Variants in FYN observed in about 807,000 individuals in gnomAD.
FYN encodes the protein FYN proto-oncogene, Src family tyrosine kinase.
In FYN, 10 loss-of-function variants were observed where a neutral mutation model predicts 70.2. That is an observed-to-expected ratio of 0.14 (90% confidence interval 0.09 to 0.24). FYN has a LOEUF of 0.24. Among genes scored for constraint, FYN ranks in the 10% least tolerant of loss-of-function variants. The pLI is 1.00. For missense variants in FYN, 319 were observed against 673.1 expected (o/e 0.47, Z 5.82); for synonymous variants, 236 against 248.6 (o/e 0.95, Z 0.48).
intron 6 of FYN, among the ~76,000 whole-genome samples, chr6:111,705,269 A>G (rs114786207): frequency 6.6e-6 from 1 of 152,094 alleles, no homozygotes; most frequent in Non-Finnish European, 1.5e-5. Context: ...AAAAACGCCC[A>G]TGAGTACTTA....
chr6:111,699,627 C>G, intron 9 of FYN: 1 of 1,614,000 alleles, frequency 6.2e-7, no homozygotes. Flanking sequence ...GGGTACAACT[C>G]GATGCAATCA....
chr6:111,704,582 C>A (rs1233623548), intron 6 of FYN, among the ~76,000 whole-genome samples: 1 of 151,526 alleles, frequency 6.6e-6, no homozygotes, highest in East Asian at 1.9e-4. Flanking sequence ...GGTGAAACCC[C>A]AGCTCTACTA....
intron 2 of FYN, among the ~76,000 whole-genome samples, chr6:111,845,808 C>T (rs530177849): frequency 9.9e-5 from 15 of 152,190 alleles, no homozygotes; most frequent in African/African-American, 3.4e-4. Flanking sequence ...AGAGCTGCGA[C>T]GTCCAGCCTT....
chr6:111,722,951 G>A (rs539156304), intron 3 of FYN, among the ~76,000 whole-genome samples: 4 of 152,296 alleles, frequency 2.6e-5, no homozygotes, highest in Non-Finnish European at 1.5e-5. Context: ...TTCTTCAGGC[G>A]AACAGGCATG....
chr6:111,663,915 GCGGA>G (rs1032868810), intron 13 of FYN, among the ~76,000 whole-genome samples: 97 of 152,256 alleles, frequency 6.4e-4, no homozygotes, highest in African/African-American at 2.2e-3. Flanking sequence ...CTAGATAAAC[GCGGA>G]CAGAGGCCAG....
At chr6:111,707,871 G>A (rs1191503663) in intron 6 of FYN, 51 bp downstream of exon 6, 3 of 1,385,180 alleles carry the variant, frequency 2.2e-6, no homozygotes, top group South Asian at 1.2e-5. Flanking sequence ...TTTTATTGCG[G>A]CAATCAACTT....
chr6:111,826,870 C>T (rs536723101), intron 2 of FYN, among the ~76,000 whole-genome samples: 2 of 152,180 alleles, frequency 1.3e-5, no homozygotes, highest in Non-Finnish European at 2.9e-5. Flanking sequence ...TAGAAGCTGA[C>T]TTTTTGTTCT....
chr6:111,678,040 C>T (rs1798610527), intron 12 of FYN, among the ~76,000 whole-genome samples: 1 of 151,476 alleles, frequency 6.6e-6, no homozygotes, highest in African/African-American at 2.4e-5. Context: ...ACCACTCTGT[C>T]ATTTCTTACT....
At position 111,851,410 on chromosome 6, in the gene FYN, C is replaced by T. The variant is rs921465233; in HGVS notation, c.-122-4781G>A. Among the ~76,000 whole-genome samples the T allele has an allele frequency of 2.0e-5, 3 of 152,174 alleles. 1 individual carries two copies. The highest frequency in any genetic ancestry group is 4.1e-4 in the South Asian group (2 of 4,826). On this transcript the variant is annotated intron_variant, in intron 1 of 13. Coordinates refer to ENST00000354650, the MANE Select transcript of FYN (RefSeq NM_002037.5). Reference sequence around the variant, plus strand: ...GTTTTTGTATGAACATACAAATTTCCACATTCTACCCCAGCACCTCCGCCT... The same window carrying T: ...GTTTTTGTATGAACATACAAATTTCTACATTCTACCCCAGCACCTCCGCCT...
chr6:111,847,048 C>T (rs981670079), intron 1 of FYN, among the ~76,000 whole-genome samples: 1 of 152,198 alleles, frequency 6.6e-6, no homozygotes, highest in Non-Finnish European at 1.5e-5. Flanking sequence ...TGGATTAAAA[C>T]ACCCCCAGCA....
At chr6:111,718,351 T>C (rs1342391571) in intron 4 of FYN, among the ~76,000 whole-genome samples, 2 of 152,190 alleles carry the variant, frequency 1.3e-5, no homozygotes, top group African/African-American at 4.8e-5. Flanking sequence ...TCTGCCAACA[T>C]TTGGGAGTAC....
At chr6:111,682,842 C>A (rs1318249844) in intron 12 of FYN, among the ~76,000 whole-genome samples, 1 of 152,148 alleles carries the variant, frequency 6.6e-6, no homozygotes, top group Non-Finnish European at 1.5e-5. Flanking sequence ...GTGGGAAGAA[C>A]AGTTGATGTA....
At chr6:111,856,750 C>T (rs765415145) in intron 1 of FYN, among the ~76,000 whole-genome samples, 1 of 152,018 alleles carries the variant, frequency 6.6e-6, no homozygotes, top group African/African-American at 2.4e-5. Context: ...CCCCGACACA[C>T]AAGGTAAAAA....
chr6:111,690,034 A>G (rs1207118818), intron 12 of FYN, among the ~76,000 whole-genome samples: 3 of 152,176 alleles, frequency 2.0e-5, no homozygotes, highest in Non-Finnish European at 2.9e-5. Context: ...CTGAAAGCTC[A>G]TGAAGAAAAA....
intron 2 of FYN, among the ~76,000 whole-genome samples, chr6:111,788,201 G>C (rs780396615): frequency 6.6e-6 from 1 of 152,056 alleles, no homozygotes. Flanking sequence ...AACTTTTCAC[G>C]CTATCTGCTG....
At chr6:111,782,665 G>C (rs1236420989) in intron 2 of FYN, among the ~76,000 whole-genome samples, 2 of 152,152 alleles carry the variant, frequency 1.3e-5, no homozygotes, top group African/African-American at 2.4e-5. Flanking sequence ...CCTTCCTGGG[G>C]CTTCAAGTCT....
At chr6:111,716,374 A>T (rs1291392448) in intron 4 of FYN, among the ~76,000 whole-genome samples, 1 of 152,224 alleles carries the variant, frequency 6.6e-6, no homozygotes, top group African/African-American at 2.4e-5. Context: ...CATAGTCATA[A>T]GATAAATTTG....
chr6:111,704,906 C>CA (rs1291983471), intron 6 of FYN, among the ~76,000 whole-genome samples: 1 of 148,008 alleles, frequency 6.8e-6, no homozygotes, highest in Non-Finnish European at 1.5e-5. Context: ...ACTAAAAATA[C>CA]AAAAAATTAG....
chr6:111,724,532 A>G (rs1005156350), intron 3 of FYN, among the ~76,000 whole-genome samples: 4 of 152,198 alleles, frequency 2.6e-5, no homozygotes, highest in Non-Finnish European at 5.9e-5. Context: ...AGGACGTGTG[A>G]TAAGATTTCA....
Sources: gnomAD v4.1 joint callset for allele counts (sites outside exome capture counted in the v4.1 genomes callset) on GRCh38, gnomAD v4.1.1 for gene constraint, MANE v1.5 for transcripts, NCBI Gene and HGNC (gene_info 2026-07-23, HGNC 2026-07-21) for gene names.